SORCS2: variants seen among roughly 807,000 people sequenced by gnomAD.
The protein encoded by SORCS2 is sortilin related VPS10 domain containing receptor 2.
A neutral mutation model predicts 141.6 loss-of-function variants in SORCS2; 100 were observed. The observed-to-expected ratio is 0.71, with a 90% CI of 0.60 to 0.83. The LOEUF (loss-of-function observed/expected upper bound fraction) is 0.83. Among genes scored for constraint, SORCS2 ranks in the 40% least tolerant of loss-of-function variants. The pLI is 0.00. For synonymous variants in SORCS2, 789 were observed against 676.9 expected (o/e 1.17, Z -2.57); for missense variants, 1,646 against 1,560.2 (o/e 1.05, Z -0.93).
intron 1 of SORCS2, among the ~76,000 whole-genome samples, chr4:7,202,334 T>C (rs962630193): frequency 6.6e-6 from 1 of 152,210 alleles, no homozygotes; most frequent in African/African-American, 2.4e-5. Flanking sequence ...ATAGGGATAC[T>C]TGAGTGAGTG....
intron 3 of SORCS2, among the ~76,000 whole-genome samples, chr4:7,593,483 G>A (rs538563836): frequency 6.6e-6 from 1 of 152,320 alleles, no homozygotes; most frequent in South Asian, 2.1e-4. Flanking sequence ...CAAGGGCCAT[G>A]AGAGACCCGG....
At chr4:7,737,221 T>G in intron 26 of SORCS2, 49 bp downstream of exon 26, 2 of 1,548,304 alleles carry the variant, frequency 1.3e-6, no homozygotes. Flanking sequence ...CTAGGTAACG[T>G]CCGCCCCAAA....
intron 11 of SORCS2, among the ~76,000 whole-genome samples, chr4:7,695,768 A>G (rs868125382): frequency 5.0e-5 from 2 of 39,860 alleles, no homozygotes; most frequent in Admixed American, 2.6e-4. Flanking sequence ...GGATGGATGG[A>G]TGGATGGATG....
intron 2 of SORCS2, among the ~76,000 whole-genome samples, chr4:7,498,627 G>T (rs1731775472): frequency 6.6e-6 from 1 of 152,228 alleles, no homozygotes; most frequent in African/African-American, 2.4e-5. Context: ...GGCAGCAGGG[G>T]ATCAGCACAG....
chr4:7,218,651 A>C (rs1728517316), intron 1 of SORCS2, among the ~76,000 whole-genome samples: 1 of 152,226 alleles, frequency 6.6e-6, no homozygotes, highest in Non-Finnish European at 1.5e-5. Context: ...TTCTGCATTT[A>C]ACTAAAGATT....
chr4:7,519,671 G>C (rs1179118179), intron 2 of SORCS2, among the ~76,000 whole-genome samples: 1 of 152,220 alleles, frequency 6.6e-6, no homozygotes, highest in African/African-American at 2.4e-5. Context: ...ATTGCTGCTG[G>C]CATGGAGCAA....
chr4:7,382,030 G>C (rs758184662), intron 1 of SORCS2: 2 of 972,014 alleles, frequency 2.1e-6, no homozygotes, highest in African/African-American at 3.5e-5. Context: ...GAAGGGAGTC[G>C]GGTCAAAGAT....
intron 2 of SORCS2, among the ~76,000 whole-genome samples, chr4:7,479,716 C>T (rs1297296312): frequency 6.6e-6 from 1 of 152,182 alleles, no homozygotes; most frequent in Non-Finnish European, 1.5e-5. Flanking sequence ...TGGGACAGGC[C>T]CCAGGACGCT....
At chr4:7,667,023 G>C in intron 7 of SORCS2, 101 bp from the exon 8 acceptor site, 1 of 1,048,330 alleles carries the variant, frequency 9.5e-7, no homozygotes, top group Non-Finnish European at 1.5e-6. Context: ...AAGTAAAAGG[G>C]CATTTTCACT....
chr4:7,625,073 T>C (rs1719434503), intron 3 of SORCS2, among the ~76,000 whole-genome samples: 2 of 152,260 alleles, frequency 1.3e-5, no homozygotes, highest in Non-Finnish European at 2.9e-5. Context: ...GTTAGCCTTC[T>C]GGCCAAAGAG....
Position 7,266,019 on chromosome 4 carries a change from C to G in SORCS2, c.480+72893C>G, listed in dbSNP as rs114451277. On this transcript the variant is annotated intron_variant, in intron 1 of 26. Coordinates refer to ENST00000507866, the MANE Select transcript of SORCS2 (RefSeq NM_020777.3). ...CCTCCGTGTCATCCTACCTGTCTCC[C>G]TGTTCTCCTTTCCCGGCCCTGCACT... is the stretch of plus-strand genomic sequence containing the variant. 8.5e-3 allele frequency among the ~76,000 whole-genome samples: 1,298 copies of G among 152,332 alleles called. 15 individuals are homozygous for G. Among genetic ancestry groups the G allele is most frequent in the African/African-American group, 0.026 (1,096 of 41,566 alleles).
intron 1 of SORCS2, among the ~76,000 whole-genome samples, chr4:7,303,636 A>ATGGTGCTGAGTGTCAGGGTATCTGTTTG (rs1717593235): frequency 6.6e-6 from 1 of 152,068 alleles, no homozygotes; most frequent in African/African-American, 2.4e-5. Context: ...GAGCTGAGGT[A>ATGGTGCTGAGTGTCAGGGTATCTGTTTG]TATGGTGCTG....
intron 2 of SORCS2, among the ~76,000 whole-genome samples, chr4:7,495,404 C>G (rs1200495174): frequency 6.6e-6 from 1 of 152,224 alleles, no homozygotes. Context: ...ATCTCTGCCT[C>G]CCCCACCAGC....
chr4:7,236,239 T>C lies in SORCS2; in HGVS notation c.480+43113T>C, dbSNP rs34471938. Among the ~76,000 whole-genome samples the C allele has an allele frequency of 7.8e-3, 1,189 of 152,230 alleles. 13 individuals are homozygous for C. Among genetic ancestry groups the C allele is most frequent in the African/African-American group, 0.027 (1,113 of 41,546 alleles). On this transcript the variant is annotated intron_variant, in intron 1 of 26. Coordinates refer to ENST00000507866, the MANE Select transcript of SORCS2 (RefSeq NM_020777.3). ...GAGGAGCTTGGCGTTTTAGGTAGGG[T>C]GGCCAGAGGAGGTCTCACTGCAGGT... is the stretch of plus-strand genomic sequence containing the variant.
intron 2 of SORCS2, among the ~76,000 whole-genome samples, chr4:7,470,862 A>G (rs1729933053): frequency 6.6e-6 from 1 of 152,238 alleles, no homozygotes; most frequent in South Asian, 2.1e-4. Flanking sequence ...AGCAGTGCCC[A>G]GGACCTGGAG....
intron 1 of SORCS2, among the ~76,000 whole-genome samples, chr4:7,330,758 C>T (rs1017690535): frequency 1.2e-4 from 19 of 152,012 alleles, no homozygotes; most frequent in Admixed American, 1.2e-3. Flanking sequence ...ATCAAGGAAA[C>T]GGAGACTTCC....
chr4:7,546,332 A>G (rs71601861), intron 3 of SORCS2, among the ~76,000 whole-genome samples: 24,096 of 152,018 alleles, frequency 0.16, 1,992 homozygotes, highest in African/African-American at 0.21. Context: ...CTTCCCCGGC[A>G]CCGGCGGGGC....
chr4:7,667,924 G>C (rs1268905058), intron 8 of SORCS2, among the ~76,000 whole-genome samples: 2 of 152,176 alleles, frequency 1.3e-5, no homozygotes, highest in African/African-American at 2.4e-5. Context: ...AACAAAGGCA[G>C]ATCTCAAACT....
At chr4:7,277,830 G>A (rs754328585) in intron 1 of SORCS2, among the ~76,000 whole-genome samples, 2 of 152,182 alleles carry the variant, frequency 1.3e-5, no homozygotes, top group Admixed American at 6.5e-5. Flanking sequence ...CCTCATCTGT[G>A]CACTGGGGCT....
Sources: allele counts gnomAD v4.1 joint callset (sites outside exome capture counted in the v4.1 genomes callset), GRCh38; gene constraint gnomAD v4.1.1; transcripts MANE v1.5; gene names NCBI Gene and HGNC (gene_info 2026-07-23, HGNC 2026-07-21).